Variants in SUGCT observed in about 807,000 individuals in gnomAD.
SUGCT encodes succinyl-CoA:glutarate CoA-transferase.
A neutral mutation model predicts 55.0 loss-of-function variants in SUGCT; 41 were observed. That is an observed-to-expected ratio of 0.74 (90% CI 0.58 to 0.97). The LOEUF (loss-of-function observed/expected upper bound fraction) is 0.97. SUGCT is among the 50% of genes least tolerant of loss of function. The pLI, the probability that SUGCT is intolerant of heterozygous loss-of-function variation, is 0.00. For synonymous variants in SUGCT, 187 were observed against 200.4 expected, an observed-to-expected ratio of 0.93 and a Z score of 0.56; for missense variants, 568 against 547.8, an observed-to-expected ratio of 1.04 and a Z score of -0.37.
rs55772430 is a variant in SUGCT, at chr7:40,277,677, GTTATTA to G, written c.720+3044_720+3049del. 7.9e-4 allele frequency among the ~76,000 whole-genome samples: 115 copies of G among 144,900 alleles called. 2 individuals carry two copies. In the South Asian group the frequency reaches 0.021, roughly 26 times the overall value. Reference sequence around the variant, plus strand: ...ATTTAACAGATAATTTGTTCTTTTTGTTATTATTATTATTATTATTATTATTATACT... The same window carrying G: ...ATTTAACAGATAATTTGTTCTTTTTGTTATTATTATTATTATTATTATACT... On this transcript the variant is annotated intron_variant, in intron 8 of 13. Coordinates refer to ENST00000335693, the MANE Select transcript of SUGCT (RefSeq NM_001193313.2).
At chr7:40,590,983 T>C (rs1217586041) in intron 12 of SUGCT, among the ~76,000 whole-genome samples, 2 of 152,166 alleles carry the variant, frequency 1.3e-5, no homozygotes, top group African/African-American at 2.4e-5. Flanking sequence ...TGGAGATGTG[T>C]AGGGAAATTA....
At chr7:40,945,512 C>G in the SUGCT span, among the ~76,000 whole-genome samples, 2 of 152,140 alleles carry the variant, frequency 1.3e-5, no homozygotes, top group Non-Finnish European at 2.9e-5. Flanking sequence ...AGAAGCCCCA[C>G]TATGTCTGCA....
At chr7:40,690,573 ATT>A (rs965740452) in intron 12 of SUGCT, among the ~76,000 whole-genome samples, 1 of 146,498 alleles carries the variant, frequency 6.8e-6, no homozygotes, top group Non-Finnish European at 1.5e-5. Context: ...CATCCCTATA[ATT>A]TTTTTTTTTT....
chr7:40,878,929 G>T, the SUGCT span, among the ~76,000 whole-genome samples: 1 of 151,938 alleles, frequency 6.6e-6, no homozygotes, highest in Non-Finnish European at 1.5e-5. Context: ...GAGTAGCTGG[G>T]ACTACAGGCA....
the SUGCT span, among the ~76,000 whole-genome samples, chr7:40,993,232 A>G: frequency 6.6e-6 from 1 of 152,086 alleles, no homozygotes; most frequent in African/African-American, 2.4e-5. Flanking sequence ...TTTATTCCTG[A>G]GAAGTCTTTC....
chr7:41,026,852 T>G, the SUGCT span, among the ~76,000 whole-genome samples: 1 of 152,036 alleles, frequency 6.6e-6, no homozygotes. Context: ...GCCAACATGG[T>G]GAAATCCCGT....
chr7:40,172,864 A>G (rs1245818199), intron 1 of SUGCT, among the ~76,000 whole-genome samples: 1 of 152,216 alleles, frequency 6.6e-6, no homozygotes, highest in Non-Finnish European at 1.5e-5. Flanking sequence ...TAAGTCCAGC[A>G]GCCATGCTAA....
chr7:40,649,177 AT>A (rs61597279), intron 12 of SUGCT, among the ~76,000 whole-genome samples: 16,952 of 151,868 alleles, frequency 0.11, 1,339 homozygotes, highest in African/African-American at 0.22. Flanking sequence ...CTACCTTTCC[AT>A]TTTTCAAAAT....
the SUGCT span, among the ~76,000 whole-genome samples, chr7:41,000,876 A>G: frequency 6.6e-6 from 1 of 152,030 alleles, no homozygotes; most frequent in Non-Finnish European, 1.5e-5. Context: ...TCAAGGGATA[A>G]CTCTTAGGTT....
chr7:40,353,499 T>C (rs559459090), intron 9 of SUGCT, among the ~76,000 whole-genome samples: 3 of 152,268 alleles, frequency 2.0e-5, no homozygotes, highest in Non-Finnish European at 4.4e-5. Flanking sequence ...TTTCCGAAAT[T>C]GGGTTTAAAT....
chr7:40,832,775 C>T (rs759229713), intron 13 of SUGCT, among the ~76,000 whole-genome samples: 22 of 151,740 alleles, frequency 1.4e-4, no homozygotes, highest in Middle Eastern at 3.4e-3. Context: ...CCCAGGTTCA[C>T]GCCATTCTCT....
the SUGCT span, among the ~76,000 whole-genome samples, chr7:40,923,263 G>A: frequency 2.6e-4 from 39 of 152,202 alleles, no homozygotes; most frequent in Non-Finnish European, 4.6e-4. Flanking sequence ...GTTACCATCA[G>A]AGAACATCAT....
chr7:40,204,285 G>C (rs1786810437), intron 6 of SUGCT, among the ~76,000 whole-genome samples: 1 of 149,884 alleles, frequency 6.7e-6, no homozygotes, highest in African/African-American at 2.5e-5. Context: ...GCCAGCCACT[G>C]TGCCCAGCCT....
chr7:40,441,821 A>G (rs1788530892), intron 9 of SUGCT, among the ~76,000 whole-genome samples: 1 of 152,230 alleles, frequency 6.6e-6, no homozygotes, highest in Admixed American at 6.5e-5. Context: ...TAGTGATTTA[A>G]AGAGTAATTT....
chr7:40,377,191 T>TTTC (rs200802943), intron 9 of SUGCT, among the ~76,000 whole-genome samples: 2 of 10,070 alleles, frequency 2.0e-4, no homozygotes, highest in Non-Finnish European at 2.9e-3. Flanking sequence ...TCTTTCTTTC[T>TTTC]TTCTTTCTTT....
chr7:40,968,624 C>T, the SUGCT span, among the ~76,000 whole-genome samples: 1 of 152,216 alleles, frequency 6.6e-6, no homozygotes, highest in Admixed American at 6.5e-5. Flanking sequence ...ACAAAGTTCT[C>T]CGTGGCCTAC....
chr7:41,011,165 G>A, the SUGCT span, among the ~76,000 whole-genome samples: 2 of 152,164 alleles, frequency 1.3e-5, no homozygotes, highest in Non-Finnish European at 2.9e-5. Flanking sequence ...GGAAGCAGCT[G>A]TTTCAGTGGA....
At chr7:40,561,546 A>G (rs570575821) in intron 12 of SUGCT, among the ~76,000 whole-genome samples, 1 of 152,252 alleles carries the variant, frequency 6.6e-6, no homozygotes, top group South Asian at 2.1e-4. Flanking sequence ...AGTTACCAAC[A>G]GGAATAAGAC....
chr7:40,431,476 T>A (rs1438869978), intron 9 of SUGCT, among the ~76,000 whole-genome samples: 1 of 152,206 alleles, frequency 6.6e-6, no homozygotes, highest in African/African-American at 2.4e-5. Context: ...CTGTGAAGAA[T>A]GCCATTGGGA....
Sources: allele counts gnomAD v4.1 joint callset (sites outside exome capture counted in the v4.1 genomes callset), GRCh38; gene constraint gnomAD v4.1.1; transcripts MANE v1.5; gene names NCBI Gene and HGNC (gene_info 2026-07-23, HGNC 2026-07-21).